Variants in SEMA6D observed in about 807,000 individuals in gnomAD.
SEMA6D encodes semaphorin 6D, also known as semaphorin-6D.
A neutral mutation model predicts 106.6 loss-of-function variants in SEMA6D; 35 were observed. The ratio of observed to expected loss-of-function variants is 0.33; its 90% CI spans 0.25 to 0.44. SEMA6D has a LOEUF of 0.44. Among genes scored for constraint, SEMA6D ranks in the 20% least tolerant of loss-of-function variants. The pLI is 1.00. For missense variants in SEMA6D, 1,185 were observed against 1,345.9 expected (o/e 0.88, Z 1.87); for synonymous variants, 499 against 487.7 (o/e 1.02, Z -0.31).
chr15:47,527,879 TTGCATGTCAGTAGAG>T (rs1803508794), intron 3 of SEMA6D: 1 of 152,210 alleles, frequency 6.6e-6, no homozygotes, highest in South Asian at 2.1e-4. Flanking sequence ...TTTCAAGATA[TTGCATGTCAGTAGAG>T]TAAAGCACAG....
intron 1 of SEMA6D, among the ~76,000 whole-genome samples, chr15:47,227,490 CTTT>C (rs2031799794): frequency 2.4e-5 from 3 of 125,708 alleles, no homozygotes; most frequent in Non-Finnish European, 5.1e-5. Context: ...CTTTTTCTTT[CTTT>C]CTTTTTTTCT....
intron 1 of SEMA6D, among the ~76,000 whole-genome samples, chr15:47,388,120 A>G (rs1363184856): frequency 6.6e-6 from 1 of 152,338 alleles, no homozygotes; most frequent in African/African-American, 2.4e-5. Flanking sequence ...GATCAAATCC[A>G]TAGAATATGC....
intron 3 of SEMA6D, among the ~76,000 whole-genome samples, chr15:47,542,666 T>C (rs1477086729): frequency 6.6e-6 from 1 of 152,186 alleles, no homozygotes; most frequent in Non-Finnish European, 1.5e-5. Flanking sequence ...TTTTCTGAGA[T>C]GTGCATTTTC....
intron 4 of SEMA6D, among the ~76,000 whole-genome samples, chr15:47,602,828 C>G (rs2076691316): frequency 6.6e-6 from 1 of 152,110 alleles, no homozygotes; most frequent in African/African-American, 2.4e-5. Context: ...AACAGTCCCC[C>G]ACCCCCGAAA....
At chr15:47,265,837 A>T (rs185224114) in intron 1 of SEMA6D, among the ~76,000 whole-genome samples, 2 of 152,102 alleles carry the variant, frequency 1.3e-5, no homozygotes, top group Admixed American at 1.3e-4. Context: ...TGTATCCCAC[A>T]GTGTTAATCC....
chr15:47,417,234 G>T (rs1236068088), intron 2 of SEMA6D, among the ~76,000 whole-genome samples: 1 of 152,034 alleles, frequency 6.6e-6, no homozygotes, highest in African/African-American at 2.4e-5. Flanking sequence ...TTAAAAGCTT[G>T]AATATTTAAT....
chr15:47,648,073 T>G (rs2077615432), intron 4 of SEMA6D, among the ~76,000 whole-genome samples: 1 of 152,214 alleles, frequency 6.6e-6, no homozygotes, highest in Non-Finnish European at 1.5e-5. Context: ...TGTATTTATG[T>G]GTAAGTAGAT....
intron 1 of SEMA6D, among the ~76,000 whole-genome samples, chr15:47,334,885 AAAT>A (rs2144238010): frequency 6.6e-6 from 1 of 152,332 alleles, no homozygotes; most frequent in South Asian, 2.1e-4. Context: ...AGAGAATTCA[AAAT>A]AATAAGAACC....
intron 1 of SEMA6D, among the ~76,000 whole-genome samples, chr15:47,752,932 C>G (rs763371551): frequency 9.2e-5 from 14 of 151,502 alleles, no homozygotes; most frequent in Non-Finnish European, 2.1e-4. Flanking sequence ...TTGCTTGAAC[C>G]TGGGAGGTGG....
At chr15:47,415,866 A>G (rs2040949384) in intron 2 of SEMA6D, among the ~76,000 whole-genome samples, 1 of 152,188 alleles carries the variant, frequency 6.6e-6, no homozygotes, top group South Asian at 2.1e-4. Context: ...CTTAAATAAT[A>G]CACAGGAAAT....
chr15:47,636,928 G>C (rs142667228), intron 4 of SEMA6D, among the ~76,000 whole-genome samples: 217 of 152,226 alleles, frequency 1.4e-3, no homozygotes, highest in African/African-American at 4.9e-3. Flanking sequence ...CCCTAGGCTG[G>C]GCTATGTGAA....
At chr15:47,304,593 G>C (rs889502848) in intron 1 of SEMA6D, among the ~76,000 whole-genome samples, 1 of 152,072 alleles carries the variant, frequency 6.6e-6, no homozygotes. Context: ...TCCGTATTAG[G>C]AATGTCCCAA....
intron 1 of SEMA6D, among the ~76,000 whole-genome samples, chr15:47,218,009 C>G (rs949728786): frequency 1.3e-5 from 2 of 151,890 alleles, no homozygotes; most frequent in African/African-American, 4.8e-5. Flanking sequence ...GTTTTCTGAG[C>G]ACTTCTTGAT....
intron 1 of SEMA6D, among the ~76,000 whole-genome samples, chr15:47,717,950 T>C (rs2079188962): frequency 6.6e-6 from 1 of 151,570 alleles, no homozygotes; most frequent in Admixed American, 6.6e-5. Flanking sequence ...CGCAAAGGGC[T>C]AGAGAGGTTT....
At chr15:47,269,456 T>C (rs1276972112) in intron 1 of SEMA6D, among the ~76,000 whole-genome samples, 1 of 152,106 alleles carries the variant, frequency 6.6e-6, no homozygotes, top group African/African-American at 2.4e-5. Context: ...GCAAATTTTA[T>C]TACACATAAA....
intron 3 of SEMA6D, among the ~76,000 whole-genome samples, chr15:47,594,103 T>C (rs1163073908): frequency 6.6e-6 from 1 of 152,236 alleles, no homozygotes; most frequent in African/African-American, 2.4e-5. Flanking sequence ...TCACATCTCC[T>C]GTGCAGCAAG....
At chr15:47,416,847 T>G (rs910690673) in intron 2 of SEMA6D, among the ~76,000 whole-genome samples, 2 of 152,138 alleles carry the variant, frequency 1.3e-5, no homozygotes, top group African/African-American at 4.8e-5. Flanking sequence ...CCCCTATTAC[T>G]TTGCAGCTGA....
chr15:47,267,675 A>G (rs2034382880), intron 1 of SEMA6D, among the ~76,000 whole-genome samples: 2 of 152,120 alleles, frequency 1.3e-5, no homozygotes, highest in Admixed American at 1.3e-4. Context: ...TTGGTTCTCC[A>G]TCTTTTCTCC....
intron 3 of SEMA6D, among the ~76,000 whole-genome samples, chr15:47,592,011 T>G (rs933240329): frequency 3.3e-5 from 5 of 152,124 alleles, no homozygotes; most frequent in Non-Finnish European, 7.4e-5. Context: ...GAAAGGGGAA[T>G]GAGAGTGAAA....
Sources: allele counts gnomAD v4.1 joint callset (sites outside exome capture counted in the v4.1 genomes callset), GRCh38; gene constraint gnomAD v4.1.1; transcripts MANE v1.5; gene names NCBI Gene and HGNC (gene_info 2026-07-23, HGNC 2026-07-21).